OXA1L: variants seen among roughly 807,000 people sequenced by gnomAD.
OXA1L encodes OXA1L mitochondrial inner membrane insertase.
A neutral mutation model predicts 52.2 loss-of-function variants in OXA1L; 42 were observed. The observed-to-expected ratio is 0.80, with a 90% CI of 0.63 to 1.04. The LOEUF is 1.04. OXA1L is among the 50% of genes least tolerant of loss of function. OXA1L has a pLI of 0.00. For missense variants in OXA1L, 572 were observed against 555.0 expected (o/e 1.03, Z -0.31); for synonymous variants, 239 against 201.9 (o/e 1.18, Z -1.56).
intron 1 of OXA1L, chr14:22,767,027 G>C (rs1017361158): frequency 2.6e-6 from 4 of 1,535,906 alleles, no homozygotes; most frequent in Non-Finnish European, 3.5e-6. Context: ...GTGGGTCTGC[G>C]ATAACTGAGA....
chr14:22,767,168 A>G lies in OXA1L; in HGVS notation c.64-80A>G, dbSNP rs535590758. ...CGAGCTGCCTGCTTCTTGGGGAGTTAGCATAATGAATCCCGTTTGCACCCA... is the reference window on the plus strand; with the variant it reads ...CGAGCTGCCTGCTTCTTGGGGAGTTGGCATAATGAATCCCGTTTGCACCCA... On this transcript the variant is annotated intron_variant, in intron 1 of 9. Coordinates refer to ENST00000612549, the MANE Select transcript of OXA1L (RefSeq NM_005015.5). 129 of 1,554,298 alleles carry G rather than the reference A, an allele frequency of 8.3e-5. No homozygotes were observed. In the African/African-American group the frequency reaches 1.4e-3, roughly 16 times the overall value.
At position 22,773,027 on chromosome 14, in the gene OXA1L, A is replaced by G. The variant is rs566921571; in HGVS notation, c.*1469A>G. On this transcript the variant is annotated 3_prime_UTR_variant, in exon 10 of 10. Transcript: ENST00000612549. ...CATGTCATTTTTATGTAACAATCCA[A>G]CATTTGACTAGAGCAGTTTAAGTGT... The G allele has an allele frequency of 3.8e-6, 1 of 265,696 alleles. No homozygotes were observed. The highest frequency in any genetic ancestry group is 2.3e-5 in the African/African-American group (1 of 44,416). The allele number at this position is 265,696 out of a possible 1,614,324, so 16.5% of individuals were successfully genotyped here.
chr14:22,771,153 G>A lies in OXA1L; in HGVS notation c.1075G>A (p.Glu359Lys), dbSNP rs1036306300. ...VHDLDKLPPREGFLESFKKGW... is the reference protein window; with the variant it reads ...VHDLDKLPPRKGFLESFKKGW... ...TGACCTGGACAAATTACCTCCACGG[G>A]AAGGCTTCCTAGAGAGCTTCAAAAA... Residue 359 changes from glutamate (E) to lysine (K), a missense_variant, in exon 8 of 10, where the codon GAA (glutamate) becomes AAA (lysine). Glu to Lys is a moderately conservative substitution (Grantham distance 56). Transcript: ENST00000612549. 6.2e-6 allele frequency: 10 copies of A among 1,613,944 alleles called. No homozygotes were observed. The Admixed American group carries it at 1.2e-4, about 19-fold the overall frequency.
rs2038467176 is a variant in OXA1L at position 22,771,671 on chromosome 14, A to G, written c.*113A>G. On this transcript the variant is annotated 3_prime_UTR_variant, in exon 10 of 10. Coordinates refer to ENST00000612549, the MANE Select transcript of OXA1L (RefSeq NM_005015.5). ...GTCCTAGGAACTGTGGCACACAGAG[A>G]TGTTCATTTTAAAAACGGATTTCAT... 2.7e-6 allele frequency: 3 copies of G among 1,117,612 alleles called. No homozygotes were observed. The South Asian group carries it at 4.2e-5, about 16-fold the overall frequency. 69.2% of individuals were successfully genotyped at this position (1,117,612 alleles called of 1,614,324 possible).
intron 2 of OXA1L, chr14:22,767,634 T>C: frequency 1.9e-6 from 1 of 524,814 alleles, no homozygotes; most frequent in Non-Finnish European, 3.3e-6. Flanking sequence ...TGAGCTGTTT[T>C]AAAGAAAAGC....
chr14:22,766,777 C>T lies in OXA1L; in HGVS notation c.63+13C>T, dbSNP rs200586588. ...GTCCGGGCGTCGGGTAAGGATGCCC[C>T]GGGGCAGAGCACCGGGATGCTGCCC... is the stretch of plus-strand genomic sequence containing the variant. On this transcript the variant is annotated intron_variant, in intron 1 of 9. Transcript: ENST00000612549. 2.4e-5 allele frequency: 38 copies of T among 1,613,874 alleles called. No homozygotes were observed. Among genetic ancestry groups the T allele is most frequent in the East Asian group, 1.8e-4 (8 of 44,888 alleles).
Position 22,770,876 on chromosome 14 carries a change from G to T in OXA1L, c.906G>T (p.Leu302=). ...WMRNVIRMMP[L]ITLPITMHFP... ...GAAATGTCATCAGAATGATGCCCCT[G>T]ATAACCTTGCCCATAACCATGCATT... The change falls in exon 7 of 10, where the codon CTG becomes CTT. Residue 302 remains leucine (L), a synonymous_variant. Coordinates refer to ENST00000612549, the MANE Select transcript of OXA1L (RefSeq NM_005015.5). 1.9e-6 allele frequency: 3 copies of T among 1,614,164 alleles called. No individual in the cohort carries two copies. Among genetic ancestry groups the T allele is most frequent in the Non-Finnish European group, 2.5e-6 (3 of 1,180,006 alleles).
rs2038446313 is a variant in OXA1L at position 22,770,219 on chromosome 14, C to G, written c.610C>G (p.Leu204Val). The G allele has an allele frequency of 1.2e-6, 2 of 1,612,368 alleles. No homozygotes were observed. Among genetic ancestry groups the G allele is most frequent in the East Asian group, 2.2e-5 (1 of 44,884 alleles). The change falls in exon 5 of 10, where the codon CTT becomes GTT. Residue 204 changes from leucine to valine, a missense_variant. This residue lies in a region of OXA1L where 132 missense variants were observed against 124.0 expected (regional missense o/e 1.06). Coordinates refer to ENST00000612549, the MANE Select transcript of OXA1L (RefSeq NM_005015.5). ...TTACAAGGCTTCCTCGGAGATGGCACTTTACCAGAAAAAACATGGTATTAA... is the reference window on the plus strand; with the variant it reads ...TTACAAGGCTTCCTCGGAGATGGCAGTTTACCAGAAAAAACATGGTATTAA... ...EYYKASSEMA[L>V]YQKKHGIKLY...
Position 22,770,544 on chromosome 14 carries a change from G to T in OXA1L, c.753G>T (p.Trp251Cys). ...PVPSLQTGGLWWFQDLTVSDP... is the reference protein window; with the variant it reads ...PVPSLQTGGLCWFQDLTVSDP... Reference sequence around the variant, plus strand: ...CCAGCCTGCAGACAGGTGGCCTCTGGTGGTTCCAGGATCTCACGGTATCCG... The same window carrying T: ...CCAGCCTGCAGACAGGTGGCCTCTGTTGGTTCCAGGATCTCACGGTATCCG... Residue 251 changes from tryptophan (W) to cysteine (C), a missense_variant, in exon 6 of 10, where the codon TGG (tryptophan) becomes TGT (cysteine). Trp to Cys is a radical substitution (Grantham distance 215, BLOSUM62 -2). Coordinates refer to ENST00000612549, the MANE Select transcript of OXA1L (RefSeq NM_005015.5). The T allele has an allele frequency of 6.2e-7, 1 of 1,614,164 alleles. No homozygotes were observed. The highest frequency in any genetic ancestry group is 8.5e-7 in the Non-Finnish European group (1 of 1,180,010).
intron 3 of OXA1L, among the ~76,000 whole-genome samples, chr14:22,769,363 G>A (rs978711213): frequency 1.8e-4 from 27 of 152,078 alleles, no homozygotes; most frequent in African/African-American, 6.3e-4. Flanking sequence ...TTCCATCCAC[G>A]TTGTCACAGA....
Position 22,771,711 on chromosome 14 carries a change from CTTATGT to C in OXA1L, c.*158_*163del, listed in dbSNP as rs139906227. The C allele has an allele frequency of 0.12, 97,636 of 802,990 alleles. 7,021 individuals are homozygous for C. The highest frequency in any genetic ancestry group is 0.14 in the Non-Finnish European group (66,887 of 492,158). 49.7% of individuals were successfully genotyped at this position (802,990 alleles called of 1,614,324 possible). A position where few individuals can be genotyped will look rare whatever the true frequency, so the allele number is the denominator to read the frequency against. On this transcript the variant is annotated 3_prime_UTR_variant, in exon 10 of 10. Coordinates refer to ENST00000612549, the MANE Select transcript of OXA1L (RefSeq NM_005015.5). Reference sequence around the variant, plus strand: ...ACGGATTTCATGAAACACTCTTGTACTTATGTTTATAAGAGAGCACTGGGTAGCCAA... The same window carrying C: ...ACGGATTTCATGAAACACTCTTGTACTTATAAGAGAGCACTGGGTAGCCAA...
At position 22,766,697 on chromosome 14, in the gene OXA1L, G is replaced by A. The variant is rs771026390; in HGVS notation, c.-5G>A. 5 of 1,614,270 alleles carry A rather than the reference G, an allele frequency of 3.1e-6. No homozygotes were observed. The highest frequency in any genetic ancestry group is 1.6e-4 in the Middle Eastern group (1 of 6,062). On this transcript the variant is annotated 5_prime_UTR_variant, in exon 1 of 10. Transcript: ENST00000612549. ...GGCGCAAAAGCAAGTCCTCTTCCGG[G>A]CAAAATGGCGATGGGACTAATGTGC...
Position 22,771,643 on chromosome 14 carries a change from C to A in OXA1L, c.*85C>A. 1 of 1,386,668 alleles carries A rather than the reference C, an allele frequency of 7.2e-7. No individual in the cohort carries two copies. The highest frequency in any genetic ancestry group is 1.0e-6 in the Non-Finnish European group (1 of 979,248). 85.9% of individuals were successfully genotyped at this position (1,386,668 alleles called of 1,614,324 possible). Reference sequence around the variant, plus strand: ...CAAGACTTGACACTGTGTCCTTGCCCCAGTCCTAGGAACTGTGGCACACAG... The same window carrying A: ...CAAGACTTGACACTGTGTCCTTGCCACAGTCCTAGGAACTGTGGCACACAG... On this transcript the variant is annotated 3_prime_UTR_variant, in exon 10 of 10. Transcript: ENST00000612549.
chr14:22,767,695 G>T, intron 2 of OXA1L: 1 of 495,036 alleles, frequency 2.0e-6, no homozygotes, highest in South Asian at 3.7e-5. Flanking sequence ...ATATTCAAAT[G>T]GCTGAAGTTT....
At chr14:22,767,443 T>G (rs1224774877) in intron 2 of OXA1L, 34 bp downstream of exon 2, 7 of 1,550,016 alleles carry the variant, frequency 4.5e-6, no homozygotes, top group Non-Finnish European at 6.1e-6. Context: ...ATATTAGGAG[T>G]GGTGTTTCCT....
In OXA1L at chr14:22,766,713, A is replaced by G. The variant is rs1447585446; in HGVS notation, c.12A>G (p.Gly4=). MAM[G]LMCGRRELLR... ...CTCTTCCGGGCAAAATGGCGATGGG[A>G]CTAATGTGCGGACGCCGGGAGCTTC... Residue 4 remains glycine (G), a synonymous_variant, in exon 1 of 10, where the codon GGA becomes GGG. Coordinates refer to ENST00000612549, the MANE Select transcript of OXA1L (RefSeq NM_005015.5). The G allele has an allele frequency of 6.2e-6, 10 of 1,614,198 alleles. No individual in the cohort carries two copies. The highest frequency in any genetic ancestry group is 1.7e-5 in the Admixed American group (1 of 60,028).
chr14:22,771,513 C>T lies in OXA1L; in HGVS notation c.1263C>T (p.Ser421=), dbSNP rs3087824. The stretch of plus-strand genomic sequence containing the variant: ...ACCCTCCCAATATCCCTAGCAGCAG[C>T]AGCAAACCAAAGTCAAAGTATCCCT... ...KDNPPNIPSS[S]SKPKSKYPWH... Residue 421 remains serine, a synonymous_variant, in exon 10 of 10, where the codon AGC becomes AGT. Transcript: ENST00000612549. 3,840 of 1,614,108 alleles carry T rather than the reference C, an allele frequency of 2.4e-3. 12 individuals carry two copies. The highest frequency in any genetic ancestry group is 3.0e-3 in the Non-Finnish European group (3,509 of 1,179,992).
chr14:22,771,055 C>G lies in OXA1L; in HGVS notation c.977C>G (p.Ser326Cys), dbSNP rs2038454759. 1 of 1,614,056 alleles carries G rather than the reference C, an allele frequency of 6.2e-7. No homozygotes were observed. The highest frequency in any genetic ancestry group is 1.3e-5 in the African/African-American group (1 of 74,928). The change falls in exon 8 of 10, where the codon TCC becomes TGC. Residue 326 changes from serine to cysteine, a missense_variant. Ser to Cys is a moderately radical substitution (Grantham distance 112). Transcript: ENST00000612549. ...FMYWLSSNLFSLVQVSCLRIP... is the reference protein window; with the variant it reads ...FMYWLSSNLFCLVQVSCLRIP... The stretch of plus-strand genomic sequence containing the variant: ...TACTGGCTCTCCTCCAATTTGTTTT[C>G]CCTGGTCCAAGTATCCTGTCTCCGG...
rs548037683 is a variant in OXA1L, at chr14:22,772,211, C to T, written c.*653C>T. ...AAGGGTTTAAACTTCCACCCAGGCG[C>T]AGTGGCTCACGCCAGTAATCCCAGC... On this transcript the variant is annotated 3_prime_UTR_variant, in exon 10 of 10. Transcript: ENST00000612549. 5 of 148,318 alleles carry T rather than the reference C, an allele frequency of 3.4e-5. No individual in the cohort carries two copies. In the Admixed American group the frequency reaches 3.4e-4, roughly 10 times the overall value. 9.2% of individuals were successfully genotyped at this position (148,318 alleles called of 1,614,324 possible). A position where few individuals can be genotyped will look rare whatever the true frequency, so the allele number is the denominator to read the frequency against.
Sources: allele counts gnomAD v4.1 joint callset (sites outside exome capture counted in the v4.1 genomes callset), GRCh38; gene constraint gnomAD v4.1.1; regional missense constraint gnomAD v4.1.1; transcripts MANE v1.5; gene names NCBI Gene and HGNC (gene_info 2026-07-23, HGNC 2026-07-21).